PTPRD: variants seen among roughly 807,000 people sequenced by gnomAD.
PTPRD encodes receptor-type tyrosine-protein phosphatase delta.
Under a neutral mutation model 214.5 loss-of-function variants are expected in PTPRD, and 34 were observed. That is an observed-to-expected ratio of 0.16 (90% confidence interval 0.12 to 0.21). The LOEUF (loss-of-function observed/expected upper bound fraction) is 0.21. Ranked by LOEUF, PTPRD falls within the 10% of genes least tolerant of loss-of-function variation. The pLI is 1.00. For synonymous variants in PTPRD, 1,128 were observed against 845.7 expected (o/e 1.33, Z -5.79); for missense variants, 2,545 against 2,398.7 (o/e 1.06, Z -1.27).
intron 2 of PTPRD, among the ~76,000 whole-genome samples, chr9:10,599,839 G>A (rs370277316): frequency 8.6e-5 from 13 of 151,708 alleles, no homozygotes; most frequent in African/African-American, 3.1e-4. Context: ...CTAATCAGAG[G>A]CTTTTACGCT....
intron 11 of PTPRD, among the ~76,000 whole-genome samples, chr9:8,950,658 G>T (rs766580182): frequency 6.6e-6 from 1 of 151,466 alleles, no homozygotes; most frequent in African/African-American, 2.4e-5. Context: ...CCAATAGATA[G>T]AACTTCCCAG....
intron 2 of PTPRD, among the ~76,000 whole-genome samples, chr9:10,353,035 T>C (rs185017678): frequency 6.6e-6 from 1 of 152,130 alleles, no homozygotes; most frequent in East Asian, 1.9e-4. Context: ...GTATATATGG[T>C]AATTTGCCTT....
At chr9:8,359,704 C>G (rs10976993) in intron 39 of PTPRD, among the ~76,000 whole-genome samples, 75,909 of 151,968 alleles carry the variant, frequency 0.5, 22,804 homozygotes, top group Non-Finnish European at 0.67. Flanking sequence ...ACCCATCAAG[C>G]CATTCTCTTG....
chr9:9,649,286 A>G (rs1318997531), intron 7 of PTPRD, among the ~76,000 whole-genome samples: 1 of 152,214 alleles, frequency 6.6e-6, no homozygotes, highest in African/African-American at 2.4e-5. Context: ...TCTAGAACTC[A>G]ACAAAGGCAC....
chr9:9,527,507 A>AT (rs1020535831), intron 8 of PTPRD, among the ~76,000 whole-genome samples: 9 of 152,156 alleles, frequency 5.9e-5, no homozygotes, highest in Admixed American at 2.6e-4. Flanking sequence ...AATTTGCTAG[A>AT]TTTTTTAGGG....
chr9:10,138,696 G>T (rs1170646908), intron 3 of PTPRD, among the ~76,000 whole-genome samples: 3 of 152,046 alleles, frequency 2.0e-5, no homozygotes, highest in African/African-American at 7.2e-5. Context: ...CAAAAAGTTA[G>T]TTCACAATGA....
At chr9:9,240,069 T>A (rs2099969609) in intron 9 of PTPRD, among the ~76,000 whole-genome samples, 1 of 152,120 alleles carries the variant, frequency 6.6e-6, no homozygotes, top group Non-Finnish European at 1.5e-5. Context: ...TCATGACCCA[T>A]TCAAGCACAA....
chr9:9,434,252 A>G (rs1032485608), intron 8 of PTPRD, among the ~76,000 whole-genome samples: 2 of 152,186 alleles, frequency 1.3e-5, no homozygotes, highest in African/African-American at 4.8e-5. Context: ...AATAAAAACA[A>G]TCTTAACCTT....
At chr9:10,214,766 A>G (rs946373860) in intron 3 of PTPRD, among the ~76,000 whole-genome samples, 1 of 152,036 alleles carries the variant, frequency 6.6e-6, no homozygotes, top group African/African-American at 2.4e-5. Context: ...GATTTTCTCC[A>G]TTATCCTTTT....
intron 7 of PTPRD, among the ~76,000 whole-genome samples, chr9:9,732,846 G>C (rs1011403326): frequency 2.0e-5 from 3 of 151,998 alleles, no homozygotes; most frequent in Non-Finnish European, 2.9e-5. Flanking sequence ...CGATTCTGGA[G>C]GCTGAGGTAG....
intron 5 of PTPRD, among the ~76,000 whole-genome samples, chr9:9,871,749 G>C (rs946238056): frequency 6.6e-6 from 1 of 150,878 alleles, no homozygotes; most frequent in Non-Finnish European, 1.5e-5. Flanking sequence ...CCGGAAAGGG[G>C]CCTGGGAGGA....
In PTPRD at chr9:9,315,452, G is replaced by C. The variant is rs140286937; in HGVS notation, c.-203+81997C>G. On this transcript the variant is annotated intron_variant, in intron 9 of 45. Coordinates refer to ENST00000381196, the MANE Select transcript of PTPRD (RefSeq NM_002839.4). ...TTAGGTTTTTAAAAATTGTAGAAAAGGAATTTTAAGAGCCTGCCCATCCAA... is the reference window on the plus strand; with the variant it reads ...TTAGGTTTTTAAAAATTGTAGAAAACGAATTTTAAGAGCCTGCCCATCCAA... Among the ~76,000 whole-genome samples the C allele has an allele frequency of 5.9e-4, 90 of 151,932 alleles. No homozygotes were observed. In the East Asian group the frequency reaches 0.017, roughly 29 times the overall value.
intron 8 of PTPRD, among the ~76,000 whole-genome samples, chr9:9,572,550 CATATATATATGTATATAT>C (rs2086778243): frequency 8.3e-6 from 1 of 121,164 alleles, no homozygotes; most frequent in Non-Finnish European, 1.8e-5. Flanking sequence ...TATACAATGG[CATATATATATGTATATAT>C]ATATATATAT....
chr9:9,064,762 G>A (rs2099722620), intron 10 of PTPRD, among the ~76,000 whole-genome samples: 1 of 152,088 alleles, frequency 6.6e-6, no homozygotes, highest in African/African-American at 2.4e-5. Context: ...AAATCATCAC[G>A]GTAATAATGC....
chr9:9,175,731 T>C (rs983533352), intron 10 of PTPRD, among the ~76,000 whole-genome samples: 3 of 151,948 alleles, frequency 2.0e-5, no homozygotes, highest in Admixed American at 6.6e-5. Context: ...TGTGATCCGA[T>C]TGTATTACTC....
chr9:9,558,170 G>A (rs2082004598), intron 8 of PTPRD, among the ~76,000 whole-genome samples: 1 of 152,192 alleles, frequency 6.6e-6, no homozygotes, highest in South Asian at 2.1e-4. Context: ...GTCAAGCCAT[G>A]TTGAGCCGAG....
chr9:9,944,172 C>G (rs2092162292), intron 4 of PTPRD, among the ~76,000 whole-genome samples: 2 of 152,088 alleles, frequency 1.3e-5, no homozygotes, highest in Admixed American at 6.6e-5. Flanking sequence ...GCTCATCTTT[C>G]CTGTTTGCCC....
intron 4 of PTPRD, among the ~76,000 whole-genome samples, chr9:9,949,910 T>A (rs186561657): frequency 1.4e-3 from 215 of 152,286 alleles, no homozygotes; most frequent in African/African-American, 4.8e-3. Context: ...GCCAGTATTA[T>A]CAAAAAATTT....
chr9:8,460,318 A>C (rs765351464), intron 33 of PTPRD, 93 bp downstream of exon 33: 1 of 1,457,870 alleles, frequency 6.9e-7, no homozygotes, highest in South Asian at 1.2e-5. Flanking sequence ...TATTTCTACT[A>C]AAATCAACCA....
Sources: allele counts gnomAD v4.1 joint callset (sites outside exome capture counted in the v4.1 genomes callset), GRCh38; gene constraint gnomAD v4.1.1; transcripts MANE v1.5; gene names NCBI Gene and HGNC (gene_info 2026-07-23, HGNC 2026-07-21).